VPS35L: variants seen among roughly 807,000 people sequenced by gnomAD.
VPS35L encodes VPS35 endosomal protein sorting factor like.
A neutral mutation model predicts 133.0 loss-of-function variants in VPS35L; 83 were observed. The ratio of observed to expected loss-of-function variants is 0.62; its 90% CI spans 0.52 to 0.75. The LOEUF (loss-of-function observed/expected upper bound fraction) is 0.75, where lower values mean the gene tolerates loss of function less well. VPS35L is among the 30% of genes least tolerant of loss of function. VPS35L has a pLI of 0.00. For missense variants in VPS35L, 1,083 were observed against 1,206.8 expected (o/e 0.90, Z 1.52); for synonymous variants, 423 against 449.9 (o/e 0.94, Z 0.76).
chr16:19,658,688 A>T (rs67938973), intron 26 of VPS35L, among the ~76,000 whole-genome samples: 30,837 of 107,068 alleles, frequency 0.29, 3,809 homozygotes, highest in Non-Finnish European at 0.3. Context: ...TTGAAAGAGG[A>T]AAAAAAAAAA....
chr16:19,573,472 C>T, intron 4 of VPS35L: 1 of 394,768 alleles, frequency 2.5e-6, no homozygotes, highest in Non-Finnish European at 4.6e-6. Context: ...GTGGCACAGG[C>T]CAGAGAAAGA....
chr16:19,690,185 G>A (rs2151625212), intron 28 of VPS35L, among the ~76,000 whole-genome samples: 1 of 152,268 alleles, frequency 6.6e-6, no homozygotes, highest in East Asian at 1.9e-4. Flanking sequence ...GGGATTATAG[G>A]TGTGAGCCAC....
chr16:19,561,050 C>T lies in VPS35L; in HGVS notation c.18-3801C>T, dbSNP rs1216219911. On this transcript the variant is annotated intron_variant, in intron 1 of 30. Transcript: ENST00000417362. ...ACCCCAGAGGGACTAGGCAAATTAT[C>T]GTGAAAGGGATTTTCCCTTAAAAAA... Among the ~76,000 whole-genome samples the T allele has an allele frequency of 2.3e-4, 35 of 151,810 alleles. 2 individuals are homozygous for T. The highest frequency in any genetic ancestry group is 2.3e-3 in the Admixed American group (35 of 15,250).
chr16:19,576,944 T>A (rs1256406547), intron 5 of VPS35L, among the ~76,000 whole-genome samples: 1 of 152,136 alleles, frequency 6.6e-6, no homozygotes, highest in Non-Finnish European at 1.5e-5. Context: ...TGACCTCAAG[T>A]GGTCCACCTG....
Position 19,642,422 on chromosome 16 carries a change from C to A in VPS35L, c.1811C>A (p.Pro604Gln). The A allele has an allele frequency of 6.2e-7, 1 of 1,613,772 alleles. No homozygotes were observed. Among genetic ancestry groups the A allele is most frequent in the Non-Finnish European group, 8.5e-7 (1 of 1,179,728 alleles). ...IKHQQEPTKD[P>Q]VILNALLHVC... is the part of the protein sequence containing the mutation. ...CATCAACAAGAGCCCACCAAGGACC[C>A]GGTCATCTTGAATGCCCTTTTGCAT... The change falls in exon 22 of 31, where the codon CCG (proline) becomes CAG (glutamine). Residue 604 changes from proline (P) to glutamine (Q), a missense_variant. Coordinates refer to ENST00000417362, the MANE Select transcript of VPS35L (RefSeq NM_020314.7).
At chr16:19,687,820 TAG>T (rs1483407016) in intron 28 of VPS35L, among the ~76,000 whole-genome samples, 1 of 151,918 alleles carries the variant, frequency 6.6e-6, no homozygotes, top group African/African-American at 2.4e-5. Context: ...ATTCAAGAAG[TAG>T]GTGTTCATGG....
intron 8 of VPS35L, among the ~76,000 whole-genome samples, chr16:19,594,644 C>CAAAAA (rs57187565): frequency 0.012 from 369 of 31,398 alleles, 24 homozygotes; most frequent in Non-Finnish European, 0.017. Context: ...GATTTCGTCT[C>CAAAAA]AAAAAAAAAA....
chr16:19,683,572 C>G (rs1328687142), intron 28 of VPS35L, among the ~76,000 whole-genome samples: 1 of 152,172 alleles, frequency 6.6e-6, no homozygotes, highest in Non-Finnish European at 1.5e-5. Context: ...TGTTTCTGCA[C>G]TAGTTCACTT....
intron 27 of VPS35L, among the ~76,000 whole-genome samples, chr16:19,681,460 C>T (rs1009154762): frequency 3.3e-5 from 5 of 152,156 alleles, no homozygotes; most frequent in African/African-American, 1.2e-4. Context: ...GAAGGGGACC[C>T]GCATGGGGTG....
In VPS35L at chr16:19,650,407, CAAG is replaced by C. The variant is rs1253249935; in HGVS notation, c.2057_2059del (p.Arg686del). On this transcript the variant is annotated inframe_deletion, in exon 25 of 31. Coordinates refer to ENST00000417362, the MANE Select transcript of VPS35L (RefSeq NM_020314.7). ...AGTGTGAACCGGTTGGCAATGGAGA[CAAG>C]AAAAGTAATGAAAGGAAATCATTCC... The C allele has an allele frequency of 6.2e-7, 1 of 1,613,340 alleles. No individual in the cohort carries two copies. Among genetic ancestry groups the C allele is most frequent in the Non-Finnish European group, 8.5e-7 (1 of 1,179,538 alleles).
At chr16:19,677,220 C>T (rs941533636) in intron 27 of VPS35L, among the ~76,000 whole-genome samples, 1 of 151,792 alleles carries the variant, frequency 6.6e-6, no homozygotes, top group Non-Finnish European at 1.5e-5. Flanking sequence ...CACCTGCCAC[C>T]GTGCCTGGCT....
At chr16:19,650,291 T>C (rs1974082670) in intron 24 of VPS35L, 91 bp from the exon 25 acceptor site, 4 of 1,048,756 alleles carry the variant, frequency 3.8e-6, no homozygotes, top group Non-Finnish European at 5.9e-6. Flanking sequence ...CTCATTGACC[T>C]GTATGTAGTT....
chr16:19,557,042 G>C (rs1970883519), intron 1 of VPS35L, among the ~76,000 whole-genome samples: 1 of 152,128 alleles, frequency 6.6e-6, no homozygotes, highest in Admixed American at 6.6e-5. Context: ...TGAGGCAGGA[G>C]AGTCGCTTGA....
At chr16:19,693,970 A>G (rs926069783) in intron 29 of VPS35L, 1 of 151,948 alleles carries the variant, frequency 6.6e-6, no homozygotes, top group East Asian at 1.9e-4. Context: ...AAAAAAAAAA[A>G]AAAAAAGAAA....
At chr16:19,656,806 C>G (rs1305567774) in intron 26 of VPS35L, among the ~76,000 whole-genome samples, 1 of 151,738 alleles carries the variant, frequency 6.6e-6, no homozygotes, top group Non-Finnish European at 1.5e-5. Flanking sequence ...AGTTAGAAAG[C>G]CAGATTATTT....
intron 27 of VPS35L, among the ~76,000 whole-genome samples, chr16:19,680,703 G>C (rs1597430111): frequency 6.6e-6 from 1 of 152,102 alleles, no homozygotes; most frequent in Non-Finnish European, 1.5e-5. Context: ...CTTGAGCCCA[G>C]GACCTTGAGA....
intron 13 of VPS35L, 72 bp downstream of exon 13, chr16:19,616,263 GTTTT>G: frequency 7.4e-7 from 1 of 1,353,910 alleles, no homozygotes; most frequent in Non-Finnish European, 1.1e-6. Context: ...AACCCAGTTG[GTTTT>G]CCAAGTGGAG....
rs1044328230 is a variant in VPS35L at position 19,633,491 on chromosome 16, C to T, written c.1635+319C>T. Among the ~76,000 whole-genome samples, 22 of 152,144 alleles carry T rather than the reference C, an allele frequency of 1.4e-4. No homozygotes were observed. Among genetic ancestry groups the T allele is most frequent in the African/African-American group, 2.9e-4 (12 of 41,426 alleles). On this transcript the variant is annotated intron_variant, in intron 19 of 30. Coordinates refer to ENST00000417362, the MANE Select transcript of VPS35L (RefSeq NM_020314.7). The surrounding 1 kb of genome is among the most constrained non-coding windows in gnomAD (Gnocchi z 4.1). ...ATTGTTGTCACCAGTAAGTAAACTG[C>T]GAGTATTTTTAGTTAAATCAACTTT...
At chr16:19,564,591 A>G (rs2353917) in intron 1 of VPS35L, among the ~76,000 whole-genome samples, 31,261 of 151,880 alleles carry the variant, frequency 0.21, 3,490 homozygotes, top group African/African-American at 0.27. Flanking sequence ...TAAAGATGGT[A>G]TTTTACCATG....
Sources: allele counts gnomAD v4.1 joint callset (sites outside exome capture counted in the v4.1 genomes callset), GRCh38; gene constraint gnomAD v4.1.1; non-coding constraint Gnocchi (gnomAD v3.1); transcripts MANE v1.5; gene names NCBI Gene and HGNC (gene_info 2026-07-23, HGNC 2026-07-21).